The following DACH2 variants were observed in gnomAD, a reference collection of about 807,000 sequenced individuals.
DACH2 encodes dachshund family transcription factor 2, also known as dachshund homolog 2.
DACH2 carries 17 observed loss-of-function variants against 35.8 expected under a neutral mutation model. The observed-to-expected ratio is 0.48, with a 90% CI of 0.33 to 0.71. The LOEUF (loss-of-function observed/expected upper bound fraction) is 0.71, where lower values mean the gene tolerates loss of function less well. Ranked by LOEUF, DACH2 falls within the 30% of genes least tolerant of loss-of-function variation. The pLI is 0.02. For missense variants in DACH2, 469 were observed against 472.7 expected (o/e 0.99, Z 0.07); for synonymous variants, 195 against 177.3 (o/e 1.10, Z -0.79).
chrX:86,829,051 C>T (rs1296428919), intron 11 of DACH2: 3 of 111,677 alleles, frequency 2.7e-5, no homozygotes, highest in African/African-American at 6.5e-5. Context: ...CAATTTCTGC[C>T]GGAATGGCCA....
In DACH2 at chrX:86,315,788, GACACACACACACACACAC is replaced by G. The variant is rs774427717; in HGVS notation, c.489-61000_489-60983del. Among the ~76,000 whole-genome samples, 72 of 78,506 alleles carry G rather than the reference GACACACACACACACACAC, an allele frequency of 9.2e-4. 1 individual carries two copies. The highest frequency in any genetic ancestry group is 3.0e-3 in the African/African-American group (59 of 19,799). 68.2% of individuals were successfully genotyped at this position (78,506 alleles called of 115,157 possible). ...ACGGCCAAGGAAATTGAGGGTCGTG[GACACACACACACACACAC>G]ACACACACACACACACACACACACA... On this transcript the variant is annotated intron_variant, in intron 1 of 11. Coordinates refer to ENST00000373125, the MANE Select transcript of DACH2 (RefSeq NM_053281.3).
At chrX:86,458,019 G>A (rs763918247) in intron 2 of DACH2, among the ~76,000 whole-genome samples, 35 of 111,641 alleles carry the variant, frequency 3.1e-4, no homozygotes, top group South Asian at 1.1e-3. Context: ...ATACAATACC[G>A]CACTTCATTT....
intron 3 of DACH2, among the ~76,000 whole-genome samples, chrX:86,610,417 C>T (rs12839768): frequency 2.6e-3 from 130 of 49,378 alleles, no homozygotes; most frequent in African/African-American, 3.1e-3. Context: ...TTCTTTCTTT[C>T]TTTTCTTTCT....
At position 86,533,814 on chromosome X, in the gene DACH2, A is replaced by AT. The variant is rs981548480; in HGVS notation, c.640+19433dup. ...TCTTTGGTGCCATTACTTCTATGCCATTTTTTTTTTAATTCCAGAATGGTA... is the reference window on the plus strand; with the variant it reads ...TCTTTGGTGCCATTACTTCTATGCCATTTTTTTTTTTAATTCCAGAATGGTA... On this transcript the variant is annotated intron_variant, in intron 3 of 11. Transcript: ENST00000373125. 5.5e-3 allele frequency among the ~76,000 whole-genome samples: 598 copies of AT among 107,935 alleles called. 5 individuals are homozygous for AT. Among genetic ancestry groups the AT allele is most frequent in the African/African-American group, 0.018 (546 of 29,846 alleles). 93.7% of individuals were successfully genotyped at this position (107,935 alleles called of 115,157 possible). A position where few individuals can be genotyped will look rare whatever the true frequency, so the allele number is the denominator to read the frequency against.
At chrX:86,422,966 C>A (rs965311696) in intron 2 of DACH2, among the ~76,000 whole-genome samples, 1 of 111,341 alleles carries the variant, frequency 9.0e-6, no homozygotes, top group Non-Finnish European at 1.9e-5. Context: ...ATAATATTCT[C>A]CAGTTCCATC....
intron 4 of DACH2, among the ~76,000 whole-genome samples, chrX:86,682,748 G>A (rs936125108): frequency 4.5e-5 from 5 of 111,664 alleles, no homozygotes; most frequent in African/African-American, 1.3e-4. Context: ...CCCAGAGCCA[G>A]TGAATGTTCC....
chrX:86,776,878 G>A (rs1323204374), intron 7 of DACH2, among the ~76,000 whole-genome samples: 3 of 111,244 alleles, frequency 2.7e-5, no homozygotes, highest in Non-Finnish European at 5.6e-5. Flanking sequence ...GAGAATGATG[G>A]TTTCCAGCTT....
chrX:86,748,368 C>A (rs1286869437), intron 7 of DACH2, among the ~76,000 whole-genome samples: 1 of 112,030 alleles, frequency 8.9e-6, no homozygotes, highest in African/African-American at 3.2e-5. Flanking sequence ...TTGCCAAATG[C>A]CTTTCTTAAA....
chrX:86,363,686 T>C (rs908575046), intron 1 of DACH2, among the ~76,000 whole-genome samples: 2 of 111,238 alleles, frequency 1.8e-5, no homozygotes, highest in African/African-American at 6.5e-5. Context: ...TTATATTTTC[T>C]TCTGAAAAAT....
chrX:86,702,346 C>G (rs1181177436), intron 5 of DACH2, among the ~76,000 whole-genome samples: 2 of 111,045 alleles, frequency 1.8e-5, no homozygotes, highest in African/African-American at 6.6e-5. Context: ...AAATTAACAA[C>G]CTAACATCAC....
chrX:86,306,718 C>A (rs1262426096), intron 1 of DACH2, among the ~76,000 whole-genome samples: 1 of 111,728 alleles, frequency 9.0e-6, no homozygotes, highest in Non-Finnish European at 1.9e-5. Flanking sequence ...TCTCCTTGCT[C>A]CTCAGCTTGC....
chrX:86,187,548 G>T (rs2031717307), intron 1 of DACH2, among the ~76,000 whole-genome samples: 1 of 108,664 alleles, frequency 9.2e-6, no homozygotes, highest in Non-Finnish European at 1.9e-5. Context: ...CTCATGAGTA[G>T]CTGGGGGTAC....
intron 3 of DACH2, among the ~76,000 whole-genome samples, chrX:86,639,572 C>A (rs767450189): frequency 9.0e-6 from 1 of 111,625 alleles, no homozygotes; most frequent in African/African-American, 3.3e-5. Flanking sequence ...CAACAGCCTG[C>A]AGGCCCCACT....
intron 11 of DACH2, among the ~76,000 whole-genome samples, chrX:86,819,789 C>A (rs1339269669): frequency 2.7e-5 from 3 of 111,442 alleles, no homozygotes; most frequent in South Asian, 3.7e-4. Context: ...TTGCACATTA[C>A]TGCAACAGCT....
At chrX:86,275,364 T>A (rs765848153) in intron 1 of DACH2, among the ~76,000 whole-genome samples, 42 of 112,093 alleles carry the variant, frequency 3.7e-4, no homozygotes, top group African/African-American at 1.2e-3. Context: ...TAATTTAGAA[T>A]CATTTAAATT....
rs755777026 is a variant in DACH2, at chrX:86,519,629, G to A, written c.640+5238G>A. On this transcript the variant is annotated intron_variant, in intron 3 of 11. Coordinates refer to ENST00000373125, the MANE Select transcript of DACH2 (RefSeq NM_053281.3). ...TCTTCCTGGCTCAGTTTTGGAGGGT[G>A]TGTATGTCCAGGAATTTATCCATCT... is the stretch of plus-strand genomic sequence containing the variant. 2.1e-3 allele frequency among the ~76,000 whole-genome samples: 231 copies of A among 111,465 alleles called. 2 individuals carry two copies. The highest frequency in any genetic ancestry group is 7.3e-3 in the African/African-American group (225 of 30,702).
chrX:86,717,583 G>C (rs780591991), intron 6 of DACH2, among the ~76,000 whole-genome samples: 1 of 108,624 alleles, frequency 9.2e-6, no homozygotes, highest in African/African-American at 3.3e-5. Flanking sequence ...CTTGGACATA[G>C]AATTGTCTTT....
At chrX:86,231,020 G>A (rs182306634) in intron 1 of DACH2, among the ~76,000 whole-genome samples, 12 of 111,907 alleles carry the variant, frequency 1.1e-4, no homozygotes, top group South Asian at 7.4e-4. Flanking sequence ...CCTTTCTTTT[G>A]CTAGGTTTGG....
At chrX:86,489,003 G>A (rs2038057379) in intron 2 of DACH2, among the ~76,000 whole-genome samples, 2 of 111,236 alleles carry the variant, frequency 1.8e-5, no homozygotes, top group African/African-American at 3.3e-5. Context: ...ATATCTATAA[G>A]GCAGGCAGTC....
Sources: allele counts gnomAD v4.1 joint callset (sites outside exome capture counted in the v4.1 genomes callset), GRCh38; gene constraint gnomAD v4.1.1; transcripts MANE v1.5; gene names NCBI Gene and HGNC (gene_info 2026-07-23, HGNC 2026-07-21).